The following TMEM163 variants were observed in gnomAD, a reference collection of about 807,000 sequenced individuals.
TMEM163 encodes transmembrane protein 163.
In TMEM163, 17 loss-of-function variants were observed where a neutral mutation model predicts 29.3. The ratio of observed to expected loss-of-function variants is 0.58; its 90% CI spans 0.40 to 0.87. TMEM163 has a LOEUF of 0.87. TMEM163 is among the 40% of genes least tolerant of loss of function. The pLI is 0.00. For missense variants in TMEM163, 303 were observed against 381.5 expected (o/e 0.79, Z 1.71); for synonymous variants, 157 against 160.6 (o/e 0.98, Z 0.17).
chr2:134,718,839 G>A lies in TMEM163; in HGVS notation c.97C>T (p.Pro33Ser). ...CGCACCGGGGAGCTCAGCGGGGCCGGGCCGGGGGCGGCAGCCGGTGGCGCG... is the reference window on the plus strand; with the variant it reads ...CGCACCGGGGAGCTCAGCGGGGCCGAGCCGGGGGCGGCAGCCGGTGGCGCG... ...GHAPPAAAPG[P>S]APLSSPVREP... The change falls in exon 1 of 8, where the codon CCG (proline) becomes TCG (serine). Residue 33 changes from proline to serine, a missense_variant. Physicochemically the swap from Pro to Ser is moderately conservative, Grantham distance 74 (BLOSUM62 -1). Around this residue, in one of 2 missense-constraint regions of TMEM163, gnomAD observed 100 missense variants for 87.2 expected, o/e 1.15. Coordinates refer to ENST00000281924, the MANE Select transcript of TMEM163 (RefSeq NM_030923.5). The A allele has an allele frequency of 8.9e-7, 1 of 1,123,034 alleles. No individual in the cohort carries two copies. The highest frequency in any genetic ancestry group is 1.7e-5 in the African/African-American group (1 of 60,580). The allele number at this position is 1,123,034 out of a possible 1,614,324, so 69.6% of individuals were successfully genotyped here.
intron 2 of TMEM163, among the ~76,000 whole-genome samples, chr2:134,597,950 C>T (rs548191063): frequency 3.3e-5 from 5 of 152,186 alleles, no homozygotes; most frequent in Admixed American, 2.0e-4. Context: ...TCTGTGGGAT[C>T]GGTGGTGATA....
At chr2:134,530,494 C>T in intron 4 of TMEM163, among the ~76,000 whole-genome samples, 1 of 152,116 alleles carries the variant, frequency 6.6e-6, no homozygotes. Context: ...CCAGACTGGT[C>T]TCAAACTCCT....
At chr2:134,531,101 G>T (rs1313171582) in intron 4 of TMEM163, among the ~76,000 whole-genome samples, 1 of 152,072 alleles carries the variant, frequency 6.6e-6, no homozygotes, top group African/African-American at 2.4e-5. Flanking sequence ...CCTTTTAAAA[G>T]GCCACTGAAA....
At chr2:134,632,418 C>G (rs946085586) in intron 2 of TMEM163, among the ~76,000 whole-genome samples, 1 of 152,258 alleles carries the variant, frequency 6.6e-6, no homozygotes. Context: ...ATGGGATGGA[C>G]TGCAGTGCCA....
At chr2:134,549,714 G>A (rs1216086700) in intron 4 of TMEM163, among the ~76,000 whole-genome samples, 1 of 152,150 alleles carries the variant, frequency 6.6e-6, no homozygotes, top group Non-Finnish European at 1.5e-5. Context: ...GTGTTCAACT[G>A]TCCAAAAGCT....
chr2:134,518,541 C>T (rs1465646463), intron 4 of TMEM163, among the ~76,000 whole-genome samples: 1 of 152,202 alleles, frequency 6.6e-6, no homozygotes, highest in African/African-American at 2.4e-5. Context: ...GGAGTCAAGA[C>T]AGGTAGGGAG....
intron 3 of TMEM163, 107 bp from the exon 4 acceptor site, chr2:134,550,768 T>G: frequency 9.1e-7 from 1 of 1,095,304 alleles, no homozygotes; most frequent in East Asian, 2.4e-5. Context: ...ATGAGTAAAC[T>G]CTGAGCAAAG....
intron 2 of TMEM163, among the ~76,000 whole-genome samples, chr2:134,698,724 A>T (rs1370304217): frequency 2.0e-5 from 3 of 152,150 alleles, no homozygotes; most frequent in African/African-American, 7.2e-5. Flanking sequence ...TTTATCCTTG[A>T]ACTATTCAGA....
chr2:134,548,618 C>CAACCTTT (rs1680841261), intron 4 of TMEM163, among the ~76,000 whole-genome samples: 1 of 152,186 alleles, frequency 6.6e-6, no homozygotes, highest in African/African-American at 2.4e-5. Flanking sequence ...TTGATCATCA[C>CAACCTTT]AGGGCAGGTT....
In TMEM163 at chr2:134,578,834, C is replaced by G. The variant is rs150674345; in HGVS notation, c.323-26743G>C. ...CAAAGCAACAATTTTCCAAGTGGAG[C>G]CTAACTGCATTTTCAGAAGGGAGGT... On this transcript the variant is annotated intron_variant, in intron 2 of 7. Transcript: ENST00000281924. Among the ~76,000 whole-genome samples the G allele has an allele frequency of 6.2e-4, 95 of 152,130 alleles. 1 individual carries two copies. In the East Asian group the frequency reaches 0.013, roughly 21 times the overall value.
chr2:134,545,677 C>T (rs888942224), intron 4 of TMEM163, among the ~76,000 whole-genome samples: 1 of 152,162 alleles, frequency 6.6e-6, no homozygotes, highest in Non-Finnish European at 1.5e-5. Flanking sequence ...ATGGATCATA[C>T]TGCCAACACC....
intron 2 of TMEM163, among the ~76,000 whole-genome samples, chr2:134,628,248 A>T (rs1682894628): frequency 6.6e-6 from 1 of 152,280 alleles, no homozygotes; most frequent in Admixed American, 6.5e-5. Flanking sequence ...TGTTCACAAT[A>T]GCAAAATAAC....
At chr2:134,547,190 C>T (rs1574226634) in intron 4 of TMEM163, among the ~76,000 whole-genome samples, 1 of 152,068 alleles carries the variant, frequency 6.6e-6, no homozygotes, top group South Asian at 2.1e-4. Context: ...TTATGTTATG[C>T]GTTTTAACAA....
At chr2:134,587,213 C>T (rs946179704) in intron 2 of TMEM163, among the ~76,000 whole-genome samples, 2 of 152,164 alleles carry the variant, frequency 1.3e-5, no homozygotes, top group African/African-American at 2.4e-5. Flanking sequence ...GAGTTCGAGA[C>T]CAACCTGGCC....
chr2:134,705,949 C>T (rs1349225238), intron 2 of TMEM163, among the ~76,000 whole-genome samples: 1 of 152,202 alleles, frequency 6.6e-6, no homozygotes, highest in African/African-American at 2.4e-5. Flanking sequence ...CCTGTGTCAC[C>T]GCCACGGCTG....
intron 2 of TMEM163, among the ~76,000 whole-genome samples, chr2:134,559,283 T>C (rs1681115585): frequency 6.6e-6 from 1 of 152,164 alleles, no homozygotes; most frequent in African/African-American, 2.4e-5. Flanking sequence ...GGCTTGAGTA[T>C]TGGACCTCAC....
At position 134,456,490 on chromosome 2, in the gene TMEM163, G is replaced by A. The variant is rs187903520; in HGVS notation, c.*226C>T. On this transcript the variant is annotated 3_prime_UTR_variant, in exon 8 of 8. Coordinates refer to ENST00000281924, the MANE Select transcript of TMEM163 (RefSeq NM_030923.5). Reference sequence around the variant, plus strand: ...AAAAACGCCAGTCCCAGCTGGAGACGGGGAAGGAGGTCCATTCCTATGGGC... The same window carrying A: ...AAAAACGCCAGTCCCAGCTGGAGACAGGGAAGGAGGTCCATTCCTATGGGC... The A allele has an allele frequency of 5.7e-4, 324 of 566,924 alleles. 1 individual carries two copies. Among genetic ancestry groups the A allele is most frequent in the African/African-American group, 3.9e-3 (210 of 53,302 alleles). The allele number at this position is 566,924 out of a possible 1,614,324, so 35.1% of individuals were successfully genotyped here. A position where few individuals can be genotyped will look rare whatever the true frequency, so the allele number is the denominator to read the frequency against.
intron 2 of TMEM163, among the ~76,000 whole-genome samples, chr2:134,601,059 A>C (rs1201621131): frequency 6.6e-6 from 1 of 152,116 alleles, no homozygotes; most frequent in African/African-American, 2.4e-5. Flanking sequence ...TTCACAGTAA[A>C]AATATATACT....
chr2:134,712,486 G>A (rs17733977), intron 2 of TMEM163, among the ~76,000 whole-genome samples: 19,383 of 151,312 alleles, frequency 0.13, 1,595 homozygotes, highest in Middle Eastern at 0.36. Flanking sequence ...AAAACACCAC[G>A]GGTTTCTACC....
Sources: gnomAD v4.1 joint callset for allele counts (sites outside exome capture counted in the v4.1 genomes callset) on GRCh38, gnomAD v4.1.1 for gene constraint, gnomAD v4.1.1 regional missense constraint, MANE v1.5 for transcripts, NCBI Gene and HGNC (gene_info 2026-07-23, HGNC 2026-07-21) for gene names.